SH3PXD2B: variants seen among roughly 807,000 people sequenced by gnomAD.
SH3PXD2B encodes the protein SH3 and PX domain-containing protein 2B.
Under a neutral mutation model 73.1 loss-of-function variants are expected in SH3PXD2B, and 37 were observed. The ratio of observed to expected loss-of-function variants is 0.51; its 90% CI spans 0.39 to 0.67. SH3PXD2B has a LOEUF of 0.67. Among genes scored for constraint, SH3PXD2B ranks in the 30% least tolerant of loss-of-function variants. The pLI, the probability that SH3PXD2B is intolerant of heterozygous loss-of-function variation, is 0.00. For missense variants in SH3PXD2B, 1,053 were observed against 1,197.8 expected (o/e 0.88, Z 1.78); for synonymous variants, 457 against 480.5 (o/e 0.95, Z 0.64).
chr5:172,451,175 G>A (rs1759788121), intron 1 of SH3PXD2B, among the ~76,000 whole-genome samples: 1 of 152,232 alleles, frequency 6.6e-6, no homozygotes, highest in Non-Finnish European at 1.5e-5. Flanking sequence ...GGGCAGCCCT[G>A]AACTCCGGGT....
chr5:172,414,546 T>C (rs1758776584), intron 2 of SH3PXD2B, among the ~76,000 whole-genome samples: 1 of 151,150 alleles, frequency 6.6e-6, no homozygotes, highest in African/African-American at 2.4e-5. Context: ...GCTGCATGAC[T>C]TGGGACAGTC....
chr5:172,382,612 A>T (rs1175312579), intron 4 of SH3PXD2B, among the ~76,000 whole-genome samples: 2 of 152,176 alleles, frequency 1.3e-5, no homozygotes, highest in Non-Finnish European at 2.9e-5. Context: ...TATTATAGGC[A>T]TATTTGTTCA....
rs1051596620 is a variant in SH3PXD2B at position 172,353,360 on chromosome 5, C to T, written c.785+528G>A. Among the ~76,000 whole-genome samples the T allele has an allele frequency of 1.2e-3, 178 of 152,300 alleles. 2 individuals carry two copies. The highest frequency in any genetic ancestry group is 3.9e-4 in the East Asian group (2 of 5,182). On this transcript the variant is annotated intron_variant, in intron 9 of 12. Coordinates refer to ENST00000311601, the MANE Select transcript of SH3PXD2B (RefSeq NM_001017995.3). This position sits in a 1 kb window ranked among gnomAD's most constrained non-coding sequence, Gnocchi z 4.3. The stretch of plus-strand genomic sequence containing the variant: ...ATTACTAAAACCAGGCAAGGCAGGA[C>T]GAGCTGGCCACCCTGCCTGCCTGGG...
chr5:172,377,193 T>C (rs976040835), intron 5 of SH3PXD2B, among the ~76,000 whole-genome samples: 1 of 152,132 alleles, frequency 6.6e-6, no homozygotes, highest in Non-Finnish European at 1.5e-5. Flanking sequence ...AGGTGGGTCA[T>C]CTTCTTGGTG....
intron 1 of SH3PXD2B, among the ~76,000 whole-genome samples, chr5:172,446,190 A>G (rs1759655746): frequency 6.6e-6 from 1 of 152,210 alleles, no homozygotes; most frequent in Admixed American, 6.5e-5. Context: ...ATTCTGCATA[A>G]AAGCTCATTG....
rs147604330 is a variant in SH3PXD2B, at chr5:172,348,996, A to G, written c.1012+1367T>C. On this transcript the variant is annotated intron_variant, in intron 10 of 12. Transcript: ENST00000311601. ...CCAAAGCACTGGGATTACAGTCGTG[A>G]GCCACTGTGCCCAGCCTGAACCTAT... Among the ~76,000 whole-genome samples, 737 of 152,296 alleles carry G rather than the reference A, an allele frequency of 4.8e-3. 12 individuals are homozygous for G. The highest frequency in any genetic ancestry group is 0.017 in the African/African-American group (702 of 41,560).
At chr5:172,413,434 G>A (rs1758748706) in intron 2 of SH3PXD2B, among the ~76,000 whole-genome samples, 1 of 152,198 alleles carries the variant, frequency 6.6e-6, no homozygotes, top group South Asian at 2.1e-4. Context: ...TATTTTCTCA[G>A]TTCAACCCCC....
intron 4 of SH3PXD2B, among the ~76,000 whole-genome samples, chr5:172,391,060 C>T (rs1348461269): frequency 3.9e-5 from 6 of 152,068 alleles, no homozygotes; most frequent in Non-Finnish European, 2.9e-5. Flanking sequence ...AGGCTGGTCT[C>T]GAACTCCCGA....
At chr5:172,448,241 A>G (rs1759717792) in intron 1 of SH3PXD2B, among the ~76,000 whole-genome samples, 1 of 152,234 alleles carries the variant, frequency 6.6e-6, no homozygotes, top group Admixed American at 6.5e-5. Flanking sequence ...AAAGACCACG[A>G]AAACTGCATA....
chr5:172,333,486 T>C (rs1756608602), downstream of SH3PXD2B: 1 of 1,163,070 alleles, frequency 8.6e-7, no homozygotes, highest in Non-Finnish European at 1.1e-6. Flanking sequence ...ATAAAATCCA[T>C]AGACACTGCA....
chr5:172,348,993 G>A (rs185243645), intron 10 of SH3PXD2B, among the ~76,000 whole-genome samples: 246 of 152,260 alleles, frequency 1.6e-3, no homozygotes, highest in African/African-American at 5.3e-3. Flanking sequence ...GATTACAGTC[G>A]TGAGCCACTG....
At chr5:172,432,046 G>A (rs563148326) in intron 1 of SH3PXD2B, among the ~76,000 whole-genome samples, 40 of 152,210 alleles carry the variant, frequency 2.6e-4, no homozygotes, top group African/African-American at 6.0e-4. Flanking sequence ...GCGGGTGGGC[G>A]CCTGTAATCC....
At chr5:172,405,957 G>T (rs1475690851) in intron 3 of SH3PXD2B, among the ~76,000 whole-genome samples, 1 of 152,168 alleles carries the variant, frequency 6.6e-6, no homozygotes, top group Non-Finnish European at 1.5e-5. Flanking sequence ...AAATGGTGTA[G>T]CATCTAATGC....
chr5:172,397,297 T>C (rs1314605373), intron 3 of SH3PXD2B, among the ~76,000 whole-genome samples: 1 of 152,256 alleles, frequency 6.6e-6, no homozygotes, highest in African/African-American at 2.4e-5. Flanking sequence ...TCTCAAACCC[T>C]GTCTCCTGAT....
intron 4 of SH3PXD2B, among the ~76,000 whole-genome samples, chr5:172,390,211 C>T (rs945208897): frequency 1.3e-5 from 2 of 152,200 alleles, no homozygotes; most frequent in African/African-American, 4.8e-5. Context: ...TTTCTTCTAC[C>T]ACCCCCAGGT....
chr5:172,343,423 C>T (rs1756902531), intron 12 of SH3PXD2B, among the ~76,000 whole-genome samples: 1 of 152,230 alleles, frequency 6.6e-6, no homozygotes, highest in Non-Finnish European at 1.5e-5. Context: ...GGTAGAAGCT[C>T]TGAACATGTG....
At chr5:172,365,704 T>G (rs952968454) in intron 6 of SH3PXD2B, among the ~76,000 whole-genome samples, 11 of 152,204 alleles carry the variant, frequency 7.2e-5, no homozygotes, top group African/African-American at 2.7e-4. Flanking sequence ...CCCTTCCTGC[T>G]GGCCCCATTA....
At chr5:172,429,265 C>G (rs1055422312) in intron 1 of SH3PXD2B, among the ~76,000 whole-genome samples, 1 of 152,172 alleles carries the variant, frequency 6.6e-6, no homozygotes, top group Non-Finnish European at 1.5e-5. Context: ...GTCCTGCCCC[C>G]TTGCTTTTCC....
chr5:172,434,995 G>A (rs2113490824), intron 1 of SH3PXD2B, among the ~76,000 whole-genome samples: 1 of 152,082 alleles, frequency 6.6e-6, no homozygotes, highest in African/African-American at 2.4e-5. Context: ...ATGTTGCTCA[G>A]GCTGGTCTCA....
Sources: allele counts gnomAD v4.1 joint callset (sites outside exome capture counted in the v4.1 genomes callset), GRCh38; gene constraint gnomAD v4.1.1; non-coding constraint Gnocchi (gnomAD v3.1); transcripts MANE v1.5; gene names NCBI Gene and HGNC (gene_info 2026-07-23, HGNC 2026-07-21).